Variants in SPAG16 observed in about 807,000 individuals in gnomAD.
SPAG16 encodes the protein sperm-associated antigen 16 protein.
A neutral mutation model predicts 80.4 loss-of-function variants in SPAG16; 86 were observed. The ratio of observed to expected loss-of-function variants is 1.07; its 90% CI spans 0.90 to 1.28. The LOEUF (loss-of-function observed/expected upper bound fraction) is 1.28. SPAG16 is among the 50% of genes most tolerant of loss of function. The pLI is 0.00. For missense variants in SPAG16, 870 were observed against 765.3 expected (o/e 1.14, Z -1.61); for synonymous variants, 294 against 265.9 (o/e 1.11, Z -1.03).
intron 10 of SPAG16, among the ~76,000 whole-genome samples, chr2:213,846,311 G>A (rs896887128): frequency 6.6e-6 from 1 of 151,900 alleles, no homozygotes; most frequent in Admixed American, 6.6e-5. Flanking sequence ...TATATATAAT[G>A]TAGTATATTA....
chr2:213,620,919 A>G (rs1170786240), intron 10 of SPAG16, among the ~76,000 whole-genome samples: 1 of 152,162 alleles, frequency 6.6e-6, no homozygotes, highest in Non-Finnish European at 1.5e-5. Context: ...AAATGTGTGG[A>G]TCTTTCTTCA....
intron 10 of SPAG16, among the ~76,000 whole-genome samples, chr2:213,626,641 A>AGTTTTTTTTTTTTTTTTTTTTTTTTT (rs1213389671): frequency 1.0e-5 from 1 of 98,980 alleles, no homozygotes; most frequent in African/African-American, 3.9e-5. Flanking sequence ...ATCGGGCTCA[A>AGTTTTTTTTTTTTTTTTTTTTTTTTT]TTTTTTTTTT....
chr2:214,078,632 C>T (rs2051205489), intron 13 of SPAG16, among the ~76,000 whole-genome samples: 1 of 150,968 alleles, frequency 6.6e-6, no homozygotes, highest in Non-Finnish European at 1.5e-5. Context: ...TCTCTTTAAA[C>T]AGTTCAATGA....
chr2:214,014,135 A>G (rs776191518), intron 13 of SPAG16, 58 bp downstream of exon 13: 10 of 1,593,288 alleles, frequency 6.3e-6, no homozygotes, highest in African/African-American at 2.7e-5. Context: ...ACTCTCGGTC[A>G]TTCTTTGGGT....
intron 10 of SPAG16, among the ~76,000 whole-genome samples, chr2:213,790,604 GTT>G (rs1195051657): frequency 6.6e-6 from 1 of 151,630 alleles, no homozygotes; most frequent in Admixed American, 6.6e-5. Flanking sequence ...GTTTTGGTCT[GTT>G]TTATTTTGTG....
chr2:213,675,595 T>G (rs1380895645), intron 10 of SPAG16, among the ~76,000 whole-genome samples: 12 of 152,242 alleles, frequency 7.9e-5, no homozygotes, highest in Non-Finnish European at 1.6e-4. Context: ...GTTTCAGCTT[T>G]CTACATATGG....
intron 13 of SPAG16, among the ~76,000 whole-genome samples, chr2:214,103,875 C>A (rs1359902814): frequency 6.6e-6 from 1 of 151,902 alleles, no homozygotes; most frequent in Non-Finnish European, 1.5e-5. Context: ...AGAAAGGAAA[C>A]CCCAAACCAT....
At chr2:213,810,093 A>T (rs13390634) in intron 10 of SPAG16, among the ~76,000 whole-genome samples, 3 of 152,214 alleles carry the variant, frequency 2.0e-5, no homozygotes, top group Non-Finnish European at 1.5e-5. Context: ...AGTTCCATGG[A>T]TCAGAAGAGT....
chr2:213,496,469 T>C (rs2074493156), intron 10 of SPAG16, among the ~76,000 whole-genome samples: 1 of 152,138 alleles, frequency 6.6e-6, no homozygotes, highest in Non-Finnish European at 1.5e-5. Context: ...GACTGTGCTG[T>C]GAACAAAGTT....
intron 15 of SPAG16, among the ~76,000 whole-genome samples, chr2:214,274,824 G>A (rs576640146): frequency 6.6e-6 from 1 of 152,288 alleles, no homozygotes; most frequent in African/African-American, 2.4e-5. Context: ...ATGAGTTAGG[G>A]AGGATTCCCT....
chr2:213,802,303 T>C (rs1318888659), intron 10 of SPAG16, among the ~76,000 whole-genome samples: 1 of 152,174 alleles, frequency 6.6e-6, no homozygotes, highest in Non-Finnish European at 1.5e-5. Context: ...CTCATTGCCC[T>C]TCTTTACCAT....
At position 213,285,898 on chromosome 2, in the gene SPAG16, C is replaced by G. The variant is rs568312099; in HGVS notation, c.136+1279C>G. 18 of 1,289,464 alleles carry G rather than the reference C, an allele frequency of 1.4e-5. No homozygotes were observed. The African/African-American group carries it at 2.4e-4, about 17-fold the overall frequency. The allele number at this position is 1,289,464 out of a possible 1,614,324, so 79.9% of individuals were successfully genotyped here. ...AATTCTTCCTAAGCTTATCTATATC[C>G]AGTGCCCTTGCTACTGAATGGTAAC... On this transcript the variant is annotated intron_variant, in intron 1 of 15. Transcript: ENST00000331683.
At chr2:213,413,363 T>C (rs2069089316) in intron 9 of SPAG16, among the ~76,000 whole-genome samples, 1 of 152,094 alleles carries the variant, frequency 6.6e-6, no homozygotes, top group African/African-American at 2.4e-5. Context: ...AATCCAGTAA[T>C]AGTTTTTCTT....
intron 12 of SPAG16, among the ~76,000 whole-genome samples, chr2:213,936,066 G>A (rs1009520588): frequency 1.2e-4 from 18 of 152,230 alleles, no homozygotes; most frequent in South Asian, 2.1e-4. Flanking sequence ...CAGGAAGGTC[G>A]AGAAAATTCT....
At chr2:213,729,908 A>G (rs140435109) in intron 10 of SPAG16, among the ~76,000 whole-genome samples, 3 of 152,310 alleles carry the variant, frequency 2.0e-5, no homozygotes, top group Non-Finnish European at 4.4e-5. Context: ...TAATGTCTAG[A>G]TGAACTCTCT....
At chr2:213,700,326 A>G (rs2065350198) in intron 10 of SPAG16, among the ~76,000 whole-genome samples, 1 of 152,180 alleles carries the variant, frequency 6.6e-6, no homozygotes, top group South Asian at 2.1e-4. Context: ...AAATTCACAA[A>G]TAAAGTTAGC....
chr2:213,354,044 C>A (rs1409286271), intron 7 of SPAG16, among the ~76,000 whole-genome samples: 2 of 152,330 alleles, frequency 1.3e-5, no homozygotes, highest in African/African-American at 2.4e-5. Flanking sequence ...CAGCCCCACA[C>A]CCCATGATAG....
At chr2:214,393,754 A>G (rs1412143556) in intron 15 of SPAG16, among the ~76,000 whole-genome samples, 3 of 152,298 alleles carry the variant, frequency 2.0e-5, no homozygotes, top group East Asian at 3.9e-4. Context: ...ATTGTTATAC[A>G]TGAGAAGTAA....
intron 10 of SPAG16, among the ~76,000 whole-genome samples, chr2:213,681,091 A>C (rs1396338844): frequency 6.6e-6 from 1 of 152,182 alleles, no homozygotes; most frequent in Non-Finnish European, 1.5e-5. Flanking sequence ...CTAAAAGGGT[A>C]CCTGGCTCTT....
Sources: allele counts gnomAD v4.1 joint callset (sites outside exome capture counted in the v4.1 genomes callset), GRCh38; gene constraint gnomAD v4.1.1; transcripts MANE v1.5; gene names NCBI Gene and HGNC (gene_info 2026-07-23, HGNC 2026-07-21).